The following GFM2 variants were observed in gnomAD, a reference collection of about 807,000 sequenced individuals.
The protein encoded by GFM2 is ribosome-releasing factor 2, mitochondrial.
GFM2 carries 72 observed loss-of-function variants against 95.4 expected under a neutral mutation model. The ratio of observed to expected loss-of-function variants is 0.76; its 90% CI spans 0.62 to 0.92. GFM2 has a LOEUF of 0.92. Ranked by LOEUF, GFM2 falls within the 40% of genes least tolerant of loss-of-function variation. GFM2 has a pLI of 0.00. For missense variants in GFM2, 825 were observed against 924.1 expected, an observed-to-expected ratio of 0.89 and a Z score of 1.39; for synonymous variants, 276 against 317.5, an observed-to-expected ratio of 0.87 and a Z score of 1.39.
intron 5 of GFM2, among the ~76,000 whole-genome samples, chr5:74,755,438 A>G (rs1743930288): frequency 6.6e-6 from 1 of 152,200 alleles, no homozygotes. Context: ...AGTGAAACAA[A>G]AAGCTGGTTC....
intron 15 of GFM2, 116 bp from the exon 16 acceptor site, chr5:74,733,214 G>T: frequency 1.4e-6 from 1 of 706,864 alleles, no homozygotes; most frequent in Non-Finnish European, 2.4e-6. Context: ...ATTTCGACCA[G>T]GTGTGGTGAC....
chr5:74,765,098 C>T (rs1460993521), intron 1 of GFM2: 2 of 1,258,778 alleles, frequency 1.6e-6, no homozygotes, highest in Admixed American at 4.8e-5. Context: ...GAATCCATTC[C>T]CTTTTCATTG....
intron 5 of GFM2, 31 bp downstream of exon 5, chr5:74,758,818 G>A (rs767915983): frequency 2.3e-6 from 3 of 1,315,850 alleles, no homozygotes; most frequent in Non-Finnish European, 2.2e-6. Context: ...TTGCTAATGG[G>A]GGGGTGGGAA....
Position 74,738,636 on chromosome 5 carries a change from C to T in GFM2, c.1086G>A (p.Trp362Ter). The T allele has an allele frequency of 6.2e-7, 1 of 1,602,408 alleles. No individual in the cohort carries two copies. The highest frequency in any genetic ancestry group is 8.5e-7 in the Non-Finnish European group (1 of 1,176,214). ...PEERNYEFLQ[W>*]YKDDLCALAF... ...CCAATGCACATAAGTCATCCTTATA[C>T]CACTGCCTATAAAATAAACATTCCA... The change falls in exon 13 of 21, where the codon TGG (tryptophan) becomes TGA (stop). Residue 362 changes from tryptophan (W) to a stop codon, truncating the protein, a stop_gained. Coordinates refer to ENST00000296805, the MANE Select transcript of GFM2 (RefSeq NM_032380.5). LOFTEE classifies it high-confidence loss of function.
chr5:74,725,677 G>T lies in GFM2; in HGVS notation c.1991C>A (p.Thr664Asn). Residue 664 changes from threonine (T) to asparagine (N), a missense_variant, in exon 19 of 21, where the codon ACT (threonine) becomes AAT (asparagine). By Grantham distance (65) the Thr-to-Asn change is moderately conservative. Coordinates refer to ENST00000296805, the MANE Select transcript of GFM2 (RefSeq NM_032380.5). ...TCTTGAGACACAGGCAGAAATCATA[G>T]TTGTGGAGGTGCCAGGATGAATTGT... ...SLTIHPGTST[T>N]MISACVSRCV... The T allele has an allele frequency of 6.2e-7, 1 of 1,613,738 alleles. No individual in the cohort carries two copies. The highest frequency in any genetic ancestry group is 1.1e-5 in the South Asian group (1 of 91,060).
chr5:74,723,658 T>C (rs1208790413), intron 19 of GFM2, among the ~76,000 whole-genome samples: 1 of 152,208 alleles, frequency 6.6e-6, no homozygotes, highest in Non-Finnish European at 1.5e-5. Flanking sequence ...TAATGTAGTT[T>C]TTAAAGTTTT....
At chr5:74,763,080 A>G (rs1187998890) in intron 2 of GFM2, among the ~76,000 whole-genome samples, 2 of 152,226 alleles carry the variant, frequency 1.3e-5, no homozygotes, top group African/African-American at 4.8e-5. Flanking sequence ...TTGAGATTTA[A>G]TATCTTTAAG....
Position 74,736,780 on chromosome 5 carries a change from C to T in GFM2, c.1510+16G>A, listed in dbSNP as rs1174287952. ...ATCAGCGCACTAATTAGTTGACACA[C>T]TAAGACCATTTATACCTGGCTGCTT... On this transcript the variant is annotated intron_variant, in intron 15 of 20. Transcript: ENST00000296805. 2 of 1,613,610 alleles carry T rather than the reference C, an allele frequency of 1.2e-6. No individual in the cohort carries two copies. The highest frequency in any genetic ancestry group is 2.2e-5 in the South Asian group (2 of 91,062).
intron 7 of GFM2, 142 bp downstream of exon 7, chr5:74,750,437 T>C (rs1452085111): frequency 5.4e-6 from 3 of 552,986 alleles, no homozygotes; most frequent in South Asian, 4.4e-5. Context: ...TACATCTCAA[T>C]ATAAATTCTG....
intron 10 of GFM2, among the ~76,000 whole-genome samples, chr5:74,743,743 T>TA (rs1240432915): frequency 2.0e-5 from 3 of 152,104 alleles, no homozygotes; most frequent in African/African-American, 7.2e-5. Context: ...CTCCCCAAAT[T>TA]AAAAAAGCAG....
intron 3 of GFM2, 130 bp from the exon 4 acceptor site, chr5:74,759,556 A>C: frequency 1.8e-6 from 1 of 545,488 alleles, no homozygotes; most frequent in Non-Finnish European, 3.3e-6. Flanking sequence ...AAGCTAAATA[A>C]ATCTAAAATA....
chr5:74,757,516 G>C (rs531838098), intron 5 of GFM2, among the ~76,000 whole-genome samples: 1 of 151,804 alleles, frequency 6.6e-6, no homozygotes, highest in African/African-American at 2.4e-5. Flanking sequence ...ATCTTCACTT[G>C]AGCCCAGTTT....
At chr5:74,731,955 TTTTTA>T (rs1452275877) in intron 16 of GFM2, among the ~76,000 whole-genome samples, 2 of 150,774 alleles carry the variant, frequency 1.3e-5, no homozygotes, top group African/African-American at 2.5e-5. Context: ...ATTTTATTTA[TTTTTA>T]TTTATTTTTT....
intron 1 of GFM2, chr5:74,765,162 A>G (rs780462428): frequency 8.3e-5 from 90 of 1,090,674 alleles, no homozygotes; most frequent in Non-Finnish European, 1.0e-4. Context: ...ACTGTAATAG[A>G]CATTTTCCTC....
chr5:74,726,594 ACTGTTTACAATTTCTTTC>A, intron 17 of GFM2, among the ~76,000 whole-genome samples: 1 of 152,288 alleles, frequency 6.6e-6, no homozygotes. Flanking sequence ...TTATGCACTT[ACTGTTTACAATTTCTTTC>A]CCAAAAAACC....
At chr5:74,754,683 A>G (rs1006209321) in intron 5 of GFM2, among the ~76,000 whole-genome samples, 1 of 152,222 alleles carries the variant, frequency 6.6e-6, no homozygotes, top group African/African-American at 2.4e-5. Context: ...ATATATATGC[A>G]CATAACATTG....
chr5:74,750,681 A>C lies in GFM2; in HGVS notation c.431-14T>G. On this transcript the variant is annotated splice_polypyrimidine_tract_variant and intron_variant, in intron 6 of 20. Coordinates refer to ENST00000296805, the MANE Select transcript of GFM2 (RefSeq NM_032380.5). The stretch of plus-strand genomic sequence containing the variant: ...AGTCCACATGACCTAAGAAAAAGAT[A>C]AGACGTATAATGCCTTCTTTTTAAC... 6.3e-7 allele frequency: 1 copy of C among 1,586,856 alleles called. No homozygotes were observed. The highest frequency in any genetic ancestry group is 2.2e-5 in the East Asian group (1 of 44,658).
chr5:74,729,359 C>A (rs943000934), intron 17 of GFM2, among the ~76,000 whole-genome samples: 28 of 152,190 alleles, frequency 1.8e-4, no homozygotes, highest in African/African-American at 5.5e-4. Context: ...GGCTCTCAAG[C>A]ACTAGGTTAG....
chr5:74,721,207 G>GTACTACAATCAAC lies in GFM2; in HGVS notation c.*435_*447dup. 1 of 1,488,976 alleles carries GTACTACAATCAAC rather than the reference G, an allele frequency of 6.7e-7. No homozygotes were observed. The highest frequency in any genetic ancestry group is 9.4e-7 in the Non-Finnish European group (1 of 1,066,156). The allele number at this position is 1,488,976 out of a possible 1,614,324, so 92.2% of individuals were successfully genotyped here. ...GAGGGGAAAAAGGCCACAGCAATCTGTACTACAATCAACTTTATTTTGAAA... is the reference window on the plus strand; with the variant it reads ...GAGGGGAAAAAGGCCACAGCAATCTGTACTACAATCAACTACTACAATCAACTTTATTTTGAAA... On this transcript the variant is annotated 3_prime_UTR_variant, in exon 21 of 21. Transcript: ENST00000296805.
Sources: gnomAD v4.1 joint callset for allele counts (sites outside exome capture counted in the v4.1 genomes callset) on GRCh38, gnomAD v4.1.1 for gene constraint, MANE v1.5 for transcripts, NCBI Gene and HGNC (gene_info 2026-07-23, HGNC 2026-07-21) for gene names.